Variants in CFAP299 observed in about 807,000 individuals in gnomAD.
The protein encoded by CFAP299 is cilia and flagella associated protein 299.
A neutral mutation model predicts 27.0 loss-of-function variants in CFAP299; 21 were observed. The ratio of observed to expected loss-of-function variants is 0.78; its 90% confidence interval spans 0.55 to 1.12. CFAP299 has a LOEUF of 1.12. Ranked by LOEUF, CFAP299 falls within the 50% of genes most tolerant of loss-of-function variation. The pLI, the probability that CFAP299 is intolerant of heterozygous loss-of-function variation, is 0.00. For missense variants in CFAP299, 310 were observed against 276.6 expected, an observed-to-expected ratio of 1.12 and a Z score of -0.86; for synonymous variants, 104 against 98.1, an observed-to-expected ratio of 1.06 and a Z score of -0.36.
chr4:80,823,682 TC>T (rs1257713011), intron 3 of CFAP299, among the ~76,000 whole-genome samples: 3 of 152,204 alleles, frequency 2.0e-5, no homozygotes, highest in African/African-American at 7.2e-5. Context: ...TGACTGAATA[TC>T]TACCTTATGC....
chr4:80,885,266 G>T (rs1203416591), intron 4 of CFAP299, among the ~76,000 whole-genome samples: 2 of 152,146 alleles, frequency 1.3e-5, no homozygotes, highest in African/African-American at 2.4e-5. Flanking sequence ...TGGGATTTTA[G>T]ATAAACTTGA....
At chr4:80,558,358 G>GTT (rs1174909337) in intron 2 of CFAP299, among the ~76,000 whole-genome samples, 14 of 121,680 alleles carry the variant, frequency 1.2e-4, no homozygotes, top group African/African-American at 4.7e-4. Flanking sequence ...TTGTTTGTTT[G>GTT]TTTGTTTGTT....
chr4:80,892,576 A>T lies in CFAP299; in HGVS notation c.476+22441A>T, dbSNP rs554134360. Among the ~76,000 whole-genome samples, 5 of 152,330 alleles carry T rather than the reference A, an allele frequency of 3.3e-5. No homozygotes were observed. The South Asian group carries it at 1.0e-3, about 32-fold the overall frequency. Reference sequence around the variant, plus strand: ...TCAACAAAGTGAAGTATGAGTCAACATATGCAAATTAGTAAATGTGATGCA... The same window carrying T: ...TCAACAAAGTGAAGTATGAGTCAACTTATGCAAATTAGTAAATGTGATGCA... On this transcript the variant is annotated intron_variant, in intron 4 of 5. Transcript: ENST00000358105.
At chr4:80,659,196 T>G (rs1166685768) in intron 3 of CFAP299, among the ~76,000 whole-genome samples, 1 of 152,012 alleles carries the variant, frequency 6.6e-6, no homozygotes, top group Non-Finnish European at 1.5e-5. Context: ...AAAGCAAAAC[T>G]ATAATATCCT....
chr4:80,350,091 A>G (rs891809925), intron 1 of CFAP299, among the ~76,000 whole-genome samples: 4 of 152,180 alleles, frequency 2.6e-5, no homozygotes, highest in African/African-American at 2.4e-5. Context: ...CATAAACAAA[A>G]ATGAACACAG....
chr4:80,870,172 G>A (rs910937307), intron 4 of CFAP299, 37 bp downstream of exon 4: 2 of 1,555,756 alleles, frequency 1.3e-6, no homozygotes, highest in African/African-American at 2.8e-5. Context: ...TTAGAGGCAG[G>A]GACAAAGACT....
At chr4:80,832,993 T>A (rs1172566182) in intron 3 of CFAP299, among the ~76,000 whole-genome samples, 1 of 152,100 alleles carries the variant, frequency 6.6e-6, no homozygotes, top group African/African-American at 2.4e-5. Flanking sequence ...TCCACATATT[T>A]AAAAAGAGTC....
At chr4:80,409,598 TATTTCATGG>T (rs1023802443) in intron 2 of CFAP299, among the ~76,000 whole-genome samples, 1 of 152,224 alleles carries the variant, frequency 6.6e-6, no homozygotes, top group Non-Finnish European at 1.5e-5. Context: ...TATTGATGGT[TATTTCATGG>T]ATTTCATGGA....
chr4:80,678,133 A>G (rs911922355), intron 3 of CFAP299, among the ~76,000 whole-genome samples: 3 of 151,940 alleles, frequency 2.0e-5, no homozygotes, highest in Admixed American at 2.0e-4. Context: ...CTTCTATGAA[A>G]TATCATTTTC....
intron 3 of CFAP299, among the ~76,000 whole-genome samples, chr4:80,698,315 C>G (rs1333201145): frequency 6.6e-6 from 1 of 152,214 alleles, no homozygotes; most frequent in Non-Finnish European, 1.5e-5. Context: ...GGGCTCCTTA[C>G]AGCCAAGAAT....
intron 2 of CFAP299, among the ~76,000 whole-genome samples, chr4:80,539,313 TCC>T (rs1021391974): frequency 2.0e-5 from 3 of 152,166 alleles, no homozygotes; most frequent in Non-Finnish European, 2.9e-5. Context: ...TGCTTACATT[TCC>T]CAGGAGAAGG....
At chr4:80,509,861 T>TA (rs1732210578) in intron 2 of CFAP299, among the ~76,000 whole-genome samples, 1 of 93,274 alleles carries the variant, frequency 1.1e-5, no homozygotes, top group African/African-American at 4.0e-5. Context: ...TGCTGCCAGA[T>TA]TTTTTTTTTT....
At chr4:80,908,436 A>G (rs1333343192) in intron 4 of CFAP299, among the ~76,000 whole-genome samples, 1 of 152,192 alleles carries the variant, frequency 6.6e-6, no homozygotes, top group East Asian at 1.9e-4. Context: ...GTTTGAGAAT[A>G]TTGATTTAGC....
At chr4:80,755,258 A>C (rs779912430) in intron 3 of CFAP299, among the ~76,000 whole-genome samples, 2 of 152,128 alleles carry the variant, frequency 1.3e-5, no homozygotes, top group African/African-American at 4.8e-5. Context: ...ATTAGGCTGC[A>C]TGTAAAATTG....
intron 3 of CFAP299, among the ~76,000 whole-genome samples, chr4:80,772,443 A>G (rs1412464961): frequency 6.6e-6 from 1 of 152,048 alleles, no homozygotes; most frequent in African/African-American, 2.4e-5. Flanking sequence ...TGGGAGTTTC[A>G]TTTCCGGGAA....
chr4:80,618,787 C>G (rs1182873329), intron 3 of CFAP299, among the ~76,000 whole-genome samples: 1 of 151,820 alleles, frequency 6.6e-6, no homozygotes, highest in Non-Finnish European at 1.5e-5. Flanking sequence ...TGGCTAATAA[C>G]AAGTGGATTT....
intron 2 of CFAP299, among the ~76,000 whole-genome samples, chr4:80,501,367 A>T (rs1278231908): frequency 6.7e-6 from 1 of 149,886 alleles, no homozygotes; most frequent in Non-Finnish European, 1.5e-5. Context: ...GCTGAAATTT[A>T]TATAAATACA....
intron 2 of CFAP299, among the ~76,000 whole-genome samples, chr4:80,400,123 A>G (rs1424058729): frequency 6.6e-6 from 1 of 152,186 alleles, no homozygotes; most frequent in Non-Finnish European, 1.5e-5. Flanking sequence ...CTGTATGTTG[A>G]TATAGATGCA....
At chr4:80,903,344 C>T (rs1735022212) in intron 4 of CFAP299, among the ~76,000 whole-genome samples, 1 of 152,062 alleles carries the variant, frequency 6.6e-6, no homozygotes, top group Non-Finnish European at 1.5e-5. Flanking sequence ...GAAAGGTTTA[C>T]ATCTATTTAT....
Sources: allele counts gnomAD v4.1 joint callset (sites outside exome capture counted in the v4.1 genomes callset), GRCh38; gene constraint gnomAD v4.1.1; transcripts MANE v1.5; gene names NCBI Gene and HGNC (gene_info 2026-07-23, HGNC 2026-07-21).